The following GABRB3 variants were observed in gnomAD, a reference collection of about 807,000 sequenced individuals.
GABRB3 encodes the protein gamma-aminobutyric acid type A receptor subunit beta3.
Under a neutral mutation model 52.1 loss-of-function variants are expected in GABRB3, and 14 were observed. That is an observed-to-expected ratio of 0.27 (90% CI 0.18 to 0.42). The LOEUF is 0.42. Ranked by LOEUF, GABRB3 falls within the 10% of genes least tolerant of loss-of-function variation. The pLI is 1.00. For missense variants in GABRB3, 307 were observed against 609.1 expected (o/e 0.50, Z 5.22); for synonymous variants, 260 against 232.3 (o/e 1.12, Z -1.08).
chr15:26,553,628 C>T (rs2140658310), intron 8 of GABRB3: 1 of 152,240 alleles, frequency 6.6e-6, no homozygotes, highest in Middle Eastern at 3.4e-3. Context: ...AAAGCCCAGT[C>T]ATCCACTTCA....
rs547830778 is a variant in GABRB3 at position 26,544,759 on chromosome 15, G to T, written c.*3034C>A. 6.6e-6 allele frequency: 1 copy of T among 152,386 alleles called. No individual in the cohort carries two copies. Among genetic ancestry groups the T allele is most frequent in the Non-Finnish European group, 1.5e-5 (1 of 68,032 alleles). 9.4% of individuals were successfully genotyped at this position (152,386 alleles called of 1,614,324 possible). A position where few individuals can be genotyped will look rare whatever the true frequency, so the allele number is the denominator to read the frequency against. On this transcript the variant is annotated 3_prime_UTR_variant, in exon 9 of 9. Transcript: ENST00000311550. Reference sequence around the variant, plus strand: ...TCTGTAGATCTTGAGCCCCTGTGGCGCATTTTGGAAAGACAGGACTACTGA... The same window carrying T: ...TCTGTAGATCTTGAGCCCCTGTGGCTCATTTTGGAAAGACAGGACTACTGA...
intron 8 of GABRB3, among the ~76,000 whole-genome samples, chr15:26,557,355 C>A (rs539931375): frequency 6.6e-6 from 1 of 152,108 alleles, no homozygotes; most frequent in African/African-American, 2.4e-5. Context: ...AGGAAATAAT[C>A]GGTACACCAA....
intron 3 of GABRB3, among the ~76,000 whole-genome samples, chr15:26,734,262 C>A (rs1365583691): frequency 1.3e-5 from 2 of 151,860 alleles, no homozygotes; most frequent in Non-Finnish European, 2.9e-5. Context: ...AACTCCCGAC[C>A]TCAGGTGATC....
At chr15:26,722,801 G>C (rs1889676936) in intron 3 of GABRB3, among the ~76,000 whole-genome samples, 1 of 152,112 alleles carries the variant, frequency 6.6e-6, no homozygotes. Flanking sequence ...CTGGATCCGA[G>C]GGCTGGGCTT....
chr15:26,728,052 A>G (rs1224440978), intron 3 of GABRB3, among the ~76,000 whole-genome samples: 2 of 152,284 alleles, frequency 1.3e-5, no homozygotes, highest in South Asian at 2.1e-4. Context: ...AAAGTTACCT[A>G]CATTGATTCT....
At chr15:26,658,991 A>C (rs1403437853) in intron 3 of GABRB3, among the ~76,000 whole-genome samples, 2 of 152,172 alleles carry the variant, frequency 1.3e-5, no homozygotes, top group African/African-American at 4.8e-5. Context: ...CAGTCCCTGG[A>C]ATTTGTTTTC....
At chr15:26,628,655 C>G (rs552793400) in intron 3 of GABRB3, among the ~76,000 whole-genome samples, 4 of 151,740 alleles carry the variant, frequency 2.6e-5, no homozygotes, top group African/African-American at 7.3e-5. Flanking sequence ...ATCAACTGAC[C>G]CTACACAGCT....
intron 4 of GABRB3, among the ~76,000 whole-genome samples, chr15:26,609,009 A>G (rs567016580): frequency 6.6e-6 from 1 of 152,164 alleles, no homozygotes; most frequent in African/African-American, 2.4e-5. Flanking sequence ...AGTTCACTGA[A>G]GCACTATTAA....
intron 4 of GABRB3, among the ~76,000 whole-genome samples, chr15:26,601,826 G>C (rs903803730): frequency 6.6e-6 from 1 of 152,058 alleles, no homozygotes; most frequent in African/African-American, 2.4e-5. Flanking sequence ...TCACAAAAAG[G>C]AAGACAGGAA....
At chr15:26,637,466 T>C (rs1197890577) in intron 3 of GABRB3, among the ~76,000 whole-genome samples, 2 of 152,208 alleles carry the variant, frequency 1.3e-5, no homozygotes, top group South Asian at 2.1e-4. Context: ...AAATTCTTTC[T>C]CTTTGGTTCG....
At chr15:26,745,962 C>T (rs553118727) in intron 3 of GABRB3, among the ~76,000 whole-genome samples, 15 of 152,234 alleles carry the variant, frequency 9.9e-5, no homozygotes, top group African/African-American at 3.1e-4. Flanking sequence ...GAGATAAATG[C>T]CACAGAGTGC....
At chr15:26,661,633 A>C (rs1887554539) in intron 3 of GABRB3, among the ~76,000 whole-genome samples, 1 of 152,124 alleles carries the variant, frequency 6.6e-6, no homozygotes, top group Non-Finnish European at 1.5e-5. Flanking sequence ...AAGAGCAAGA[A>C]GGGGTTTCAG....
intron 3 of GABRB3, among the ~76,000 whole-genome samples, chr15:26,721,524 C>T (rs368850074): frequency 2.7e-4 from 41 of 152,068 alleles, no homozygotes; most frequent in African/African-American, 9.9e-4. Context: ...TTCAAAGCCA[C>T]CTCTTTGAGA....
chr15:26,588,404 G>A (rs1245872107), intron 4 of GABRB3, among the ~76,000 whole-genome samples: 1 of 152,104 alleles, frequency 6.6e-6, no homozygotes, highest in African/African-American at 2.4e-5. Context: ...TATTATAGAG[G>A]TATTGTTATT....
chr15:26,638,753 C>T (rs930631320), intron 3 of GABRB3, among the ~76,000 whole-genome samples: 1 of 152,142 alleles, frequency 6.6e-6, no homozygotes, highest in Non-Finnish European at 1.5e-5. Context: ...GTCTTCATGA[C>T]ATTAATACAT....
At chr15:26,655,717 G>A (rs1887351544) in intron 3 of GABRB3, among the ~76,000 whole-genome samples, 1 of 151,588 alleles carries the variant, frequency 6.6e-6, no homozygotes, top group African/African-American at 2.4e-5. Flanking sequence ...ACTCCAGCCT[G>A]GGTGACACAG....
chr15:26,758,816 C>G (rs546827782), intron 3 of GABRB3, among the ~76,000 whole-genome samples: 1 of 152,092 alleles, frequency 6.6e-6, no homozygotes, highest in Admixed American at 6.6e-5. Flanking sequence ...TATGTGACAC[C>G]ACCATTGTAG....
chr15:26,611,350 T>A (rs556646513), intron 4 of GABRB3, among the ~76,000 whole-genome samples: 2 of 152,330 alleles, frequency 1.3e-5, no homozygotes, highest in African/African-American at 4.8e-5. Flanking sequence ...CTATAAATTA[T>A]AGAATGGTTC....
chr15:26,592,983 C>G (rs892695651), intron 4 of GABRB3, among the ~76,000 whole-genome samples: 9 of 152,094 alleles, frequency 5.9e-5, no homozygotes, highest in Non-Finnish European at 1.2e-4. Flanking sequence ...CCACTGCACT[C>G]CAGCCTGGGC....
Sources: allele counts gnomAD v4.1 joint callset (sites outside exome capture counted in the v4.1 genomes callset), GRCh38; gene constraint gnomAD v4.1.1; transcripts MANE v1.5; gene names NCBI Gene and HGNC (gene_info 2026-07-23, HGNC 2026-07-21).